Variants in CAT observed in about 807,000 individuals in gnomAD.
The protein encoded by CAT is epididymis secretory sperm binding protein.
CAT carries 43 observed loss-of-function variants against 59.0 expected under a neutral mutation model. The observed-to-expected ratio is 0.73, with a 90% CI of 0.57 to 0.94. CAT has a LOEUF of 0.94. CAT is among the 40% of genes least tolerant of loss of function. The pLI is 0.00. For missense variants in CAT, 664 were observed against 682.9 expected (o/e 0.97, Z 0.31); for synonymous variants, 218 against 230.9 (o/e 0.94, Z 0.51).
chr11:34,450,325 C>T (rs1450142976), intron 2 of CAT, among the ~76,000 whole-genome samples: 1 of 152,128 alleles, frequency 6.6e-6, no homozygotes, highest in Non-Finnish European at 1.5e-5. Flanking sequence ...TTTTCCTTTC[C>T]TTTTTTCCAA....
chr11:34,456,672 C>T lies in CAT; in HGVS notation c.911C>T (p.Pro304Leu), dbSNP rs781511055. 2.5e-6 allele frequency: 4 copies of T among 1,614,032 alleles called. No homozygotes were observed. Among genetic ancestry groups the T allele is most frequent in the Admixed American group, 1.7e-5 (1 of 60,022 alleles). Residue 304 changes from proline (P) to leucine (L), a missense_variant, in exon 8 of 13, where the codon CCT (proline) becomes CTT (leucine). Coordinates refer to ENST00000241052, the MANE Select transcript of CAT (RefSeq NM_001752.4). ...FNPFDLTKVW[P>L]HKDYPLIPVG... The stretch of plus-strand genomic sequence containing the variant: ...ATATGACATCATTTTCAGGTTTGGC[C>T]TCACAAGGACTACCCTCTCATCCCA...
At chr11:34,465,314 C>T (rs1196689101) in intron 10 of CAT, among the ~76,000 whole-genome samples, 4 of 152,118 alleles carry the variant, frequency 2.6e-5, no homozygotes, top group African/African-American at 9.7e-5. Context: ...GCTTGAAAAG[C>T]ATTTACGTAT....
At chr11:34,452,309 A>C in intron 4 of CAT, 102 bp downstream of exon 4, 1 of 1,133,178 alleles carries the variant, frequency 8.8e-7, no homozygotes, top group Non-Finnish European at 1.3e-6. Flanking sequence ...GCAGAAAGAA[A>C]AGAATGCGAG....
intron 7 of CAT, 75 bp downstream of exon 7, chr11:34,456,277 A>G (rs1856589497): frequency 1.8e-6 from 2 of 1,140,166 alleles, no homozygotes; most frequent in Non-Finnish European, 2.6e-6. Context: ...ATCTAGTCAA[A>G]CAATTATAAT....
chr11:34,447,455 C>G (rs1353829352), intron 1 of CAT, among the ~76,000 whole-genome samples: 1 of 151,902 alleles, frequency 6.6e-6, no homozygotes, highest in Non-Finnish European at 1.5e-5. Flanking sequence ...AAAAATAAAC[C>G]TACAGAGGGT....
intron 9 of CAT, 84 bp downstream of exon 9, chr11:34,461,473 A>C: frequency 6.9e-5 from 105 of 1,517,032 alleles, no homozygotes; most frequent in Non-Finnish European, 8.2e-5. Context: ...AGTGGCTCTC[A>C]AGCTGGCCCC....
Position 34,449,309 on chromosome 11 carries a change from G to T in CAT, c.184G>T (p.Ala62Ser). 1 of 1,614,128 alleles carries T rather than the reference G, an allele frequency of 6.2e-7. No individual in the cohort carries two copies. Residue 62 changes from alanine to serine, a missense_variant, in exon 2 of 13, where the codon GCT becomes TCT. Physicochemically the swap from Ala to Ser is moderately conservative, Grantham distance 99. Coordinates refer to ENST00000241052, the MANE Select transcript of CAT (RefSeq NM_001752.4). ...VQDVVFTDEMAHFDRERIPER... is the reference protein window; with the variant it reads ...VQDVVFTDEMSHFDRERIPER... The stretch of plus-strand genomic sequence containing the variant: ...GGATGTGGTTTTCACTGATGAAATG[G>T]CTCATTTTGACCGAGAGAGAATTCC...
intron 11 of CAT, among the ~76,000 whole-genome samples, chr11:34,469,819 C>A (rs1856755755): frequency 1.3e-5 from 2 of 152,066 alleles, no homozygotes; most frequent in African/African-American, 2.4e-5. Flanking sequence ...GCATGCCCCA[C>A]CATGCCCGAC....
intron 10 of CAT, 96 bp downstream of exon 10, chr11:34,464,331 G>C (rs1230022435): frequency 8.2e-7 from 1 of 1,223,166 alleles, no homozygotes; most frequent in Admixed American, 1.7e-5. Context: ...CCAACTGTCT[G>C]ATGTATCTTA....
intron 10 of CAT, among the ~76,000 whole-genome samples, chr11:34,464,825 G>A (rs541679513): frequency 1.4e-4 from 21 of 151,772 alleles, no homozygotes; most frequent in African/African-American, 4.8e-4. Flanking sequence ...CCTTTATGGC[G>A]TCTTTCTCCA....
chr11:34,440,656 G>A (rs900973804), intron 1 of CAT, among the ~76,000 whole-genome samples: 3 of 150,580 alleles, frequency 2.0e-5, no homozygotes, highest in Non-Finnish European at 3.0e-5. Context: ...TCCGCCTCCC[G>A]GATTCAAGCA....
At position 34,459,858 on chromosome 11, in the gene CAT, G is replaced by A. The variant is rs1385799915; in HGVS notation, c.1057-1393G>A. ...AAGAGCACAACTTTTTGAGCCAAAGGAGACAACCAGCTTCCAACCTATAGC... is the reference window on the plus strand; with the variant it reads ...AAGAGCACAACTTTTTGAGCCAAAGAAGACAACCAGCTTCCAACCTATAGC... On this transcript the variant is annotated intron_variant, in intron 8 of 12. Transcript: ENST00000241052. 2.6e-5 allele frequency among the ~76,000 whole-genome samples: 4 copies of A among 152,222 alleles called. No individual in the cohort carries two copies. In the East Asian group the frequency reaches 7.7e-4, roughly 29 times the overall value.
Position 34,458,278 on chromosome 11 carries a change from G to A in CAT, c.1056+1461G>A, listed in dbSNP as rs1856613729. ...TATAAACAGTCACTCTCTCCTGAAT[G>A]AGAAGAATAGAGTTTGGGTAGGTTC... On this transcript the variant is annotated intron_variant, in intron 8 of 12. Coordinates refer to ENST00000241052, the MANE Select transcript of CAT (RefSeq NM_001752.4). Among the ~76,000 whole-genome samples the A allele has an allele frequency of 1.3e-5, 2 of 152,220 alleles. 1 individual carries two copies. Among genetic ancestry groups the A allele is most frequent in the South Asian group, 4.1e-4 (2 of 4,832 alleles).
At chr11:34,447,310 G>A (rs1018044104) in intron 1 of CAT, among the ~76,000 whole-genome samples, 1 of 152,126 alleles carries the variant, frequency 6.6e-6, no homozygotes, top group Non-Finnish European at 1.5e-5. Flanking sequence ...AGCTCCTCAG[G>A]TGATTTTAGT....
chr11:34,460,363 GTTA>G (rs1288710041), intron 8 of CAT, among the ~76,000 whole-genome samples: 2 of 144,512 alleles, frequency 1.4e-5, no homozygotes, highest in Non-Finnish European at 3.0e-5. Context: ...CAGATTTTTT[GTTA>G]TTGTTGTTTA....
intron 1 of CAT, 66 bp from the exon 2 acceptor site, chr11:34,449,126 G>A (rs934532373): frequency 6.7e-6 from 9 of 1,348,868 alleles, no homozygotes; most frequent in East Asian, 2.3e-5. Context: ...CTATGTACCC[G>A]TGACAGTGTA....
chr11:34,453,843 C>T lies in CAT; in HGVS notation c.628C>T (p.Arg210Cys), dbSNP rs371809582. 2.0e-5 allele frequency: 32 copies of T among 1,613,020 alleles called. No homozygotes were observed. The highest frequency in any genetic ancestry group is 6.7e-5 in the Admixed American group (4 of 60,002). The change falls in exon 6 of 13, where the codon CGC becomes TGC. Residue 210 changes from arginine (R) to cysteine (C), a missense_variant. Arg to Cys is a radical substitution (Grantham distance 180). Coordinates refer to ENST00000241052, the MANE Select transcript of CAT (RefSeq NM_001752.4). ...TGATCGGGGGATTCCAGATGGACAT[C>T]GCCACATGAATGGATATGGATCACA... is the stretch of plus-strand genomic sequence containing the variant. ...FSDRGIPDGHRHMNGYGSHTF... is the reference protein window; with the variant it reads ...FSDRGIPDGHCHMNGYGSHTF...
intron 10 of CAT, among the ~76,000 whole-genome samples, chr11:34,466,549 G>A (rs537508866): frequency 1.2e-4 from 19 of 152,096 alleles, no homozygotes; most frequent in East Asian, 3.9e-4. Flanking sequence ...AGGCTGAGGT[G>A]GGCGGATCAC....
chr11:34,469,796 G>C (rs989064459), intron 11 of CAT, among the ~76,000 whole-genome samples: 1 of 151,920 alleles, frequency 6.6e-6, no homozygotes, highest in Non-Finnish European at 1.5e-5. Flanking sequence ...CTCCCCAGTA[G>C]CTTGGACTAC....
Sources: allele counts gnomAD v4.1 joint callset (sites outside exome capture counted in the v4.1 genomes callset), GRCh38; gene constraint gnomAD v4.1.1; transcripts MANE v1.5; gene names NCBI Gene and HGNC (gene_info 2026-07-23, HGNC 2026-07-21).